GRM5: variants seen among roughly 807,000 people sequenced by gnomAD.
The protein encoded by GRM5 is metabotropic glutamate receptor 5.
GRM5 carries 19 observed loss-of-function variants against 83.1 expected under a neutral mutation model. The ratio of observed to expected loss-of-function variants is 0.23; its 90% confidence interval spans 0.16 to 0.34. The LOEUF is 0.34. Among genes scored for constraint, GRM5 ranks in the 10% least tolerant of loss-of-function variants. The pLI is 1.00. For missense variants in GRM5, 1,160 were observed against 1,588.3 expected, an observed-to-expected ratio of 0.73 and a Z score of 4.58; for synonymous variants, 675 against 633.6, an observed-to-expected ratio of 1.07 and a Z score of -0.98.
chr11:88,983,428 T>A (rs1269397608), intron 2 of GRM5, among the ~76,000 whole-genome samples: 1 of 152,202 alleles, frequency 6.6e-6, no homozygotes, highest in East Asian at 1.9e-4. Context: ...GGTGATCCCA[T>A]AAGATTATAA....
intron 3 of GRM5, among the ~76,000 whole-genome samples, chr11:88,734,537 C>T (rs1591476124): frequency 6.6e-6 from 1 of 152,086 alleles, no homozygotes; most frequent in Admixed American, 6.6e-5. Context: ...CCAATTATTT[C>T]CAATAAATGA....
intron 4 of GRM5, among the ~76,000 whole-genome samples, chr11:88,651,534 A>T (rs962275125): frequency 1.3e-5 from 2 of 152,102 alleles, no homozygotes; most frequent in African/African-American, 4.8e-5. Context: ...TGTCTTCAGA[A>T]ACTAGATAGA....
chr11:89,050,783 A>G (rs1941741508), intron 1 of GRM5, among the ~76,000 whole-genome samples: 1 of 152,214 alleles, frequency 6.6e-6, no homozygotes, highest in African/African-American at 2.4e-5. Flanking sequence ...AGCCATAAAA[A>G]ATGAGATCAT....
At chr11:88,847,593 G>GA (rs201668419) in intron 3 of GRM5, among the ~76,000 whole-genome samples, 15 of 150,362 alleles carry the variant, frequency 1.0e-4, no homozygotes, top group South Asian at 8.4e-4. Context: ...TACTTTTAAA[G>GA]AAAAAAAAAC....
chr11:88,639,713 G>C (rs952310546), intron 4 of GRM5, among the ~76,000 whole-genome samples: 3 of 151,720 alleles, frequency 2.0e-5, no homozygotes, highest in African/African-American at 7.3e-5. Flanking sequence ...TCAGCCTCCC[G>C]AGTAGCTGGG....
chr11:89,018,847 A>G (rs1165745553), intron 2 of GRM5, among the ~76,000 whole-genome samples: 1 of 152,208 alleles, frequency 6.6e-6, no homozygotes, highest in Non-Finnish European at 1.5e-5. Context: ...ACCACTGTAA[A>G]TATTGCACAG....
intron 3 of GRM5, among the ~76,000 whole-genome samples, chr11:88,791,024 T>C (rs768928882): frequency 2.9e-4 from 44 of 151,916 alleles, no homozygotes; most frequent in Non-Finnish European, 2.8e-4. Context: ...TACTAGACAA[T>C]TGGAATGGTA....
At chr11:89,028,651 C>T (rs1414551198) in intron 2 of GRM5, among the ~76,000 whole-genome samples, 1 of 152,130 alleles carries the variant, frequency 6.6e-6, no homozygotes, top group Admixed American at 6.5e-5. Flanking sequence ...AGCCATATAT[C>T]ACATGACGAA....
chr11:88,640,095 T>C (rs1939248494), intron 4 of GRM5, among the ~76,000 whole-genome samples: 1 of 152,174 alleles, frequency 6.6e-6, no homozygotes, highest in South Asian at 2.1e-4. Context: ...GACTCCAACG[T>C]GGACAAACTT....
At chr11:88,947,583 C>T (rs181788650) in intron 2 of GRM5, among the ~76,000 whole-genome samples, 2 of 151,642 alleles carry the variant, frequency 1.3e-5, no homozygotes, top group East Asian at 1.9e-4. Context: ...CTGGTGAACT[C>T]ATTATTCAAA....
chr11:88,554,830 G>A (rs1344007328), intron 8 of GRM5, among the ~76,000 whole-genome samples: 1 of 152,128 alleles, frequency 6.6e-6, no homozygotes, highest in African/African-American at 2.4e-5. Context: ...TTACCAGATG[G>A]GCAGAGTGGA....
intron 2 of GRM5, among the ~76,000 whole-genome samples, chr11:89,019,556 T>G (rs944963346): frequency 6.8e-6 from 1 of 146,582 alleles, no homozygotes; most frequent in African/African-American, 2.6e-5. Context: ...AAAAAAAAAA[T>G]TAGCTGGTCG....
chr11:88,997,796 T>C (rs1940239231), intron 2 of GRM5, among the ~76,000 whole-genome samples: 1 of 152,144 alleles, frequency 6.6e-6, no homozygotes, highest in South Asian at 2.1e-4. Context: ...TAACTATTAA[T>C]AACATTGACT....
intron 9 of GRM5, among the ~76,000 whole-genome samples, chr11:88,524,205 T>C (rs1205359029): frequency 1.9e-5 from 2 of 106,788 alleles, no homozygotes; most frequent in African/African-American, 7.3e-5. Flanking sequence ...TTTCTTTCTT[T>C]CTTTCTTTCT....
chr11:88,697,284 C>A (rs530081865), intron 3 of GRM5, among the ~76,000 whole-genome samples: 1 of 152,138 alleles, frequency 6.6e-6, no homozygotes, highest in Non-Finnish European at 1.5e-5. Context: ...TTTTTCTCTG[C>A]GGCACTTTTT....
intron 9 of GRM5, among the ~76,000 whole-genome samples, chr11:88,511,537 G>T (rs1941369355): frequency 6.6e-6 from 1 of 152,074 alleles, no homozygotes; most frequent in Admixed American, 6.5e-5. Context: ...GTAGTCTCAT[G>T]TCCTTCAGAA....
intron 9 of GRM5, chr11:88,523,086 C>G (rs1231800833): frequency 6.6e-6 from 1 of 152,174 alleles, no homozygotes; most frequent in African/African-American, 2.4e-5. Context: ...ATCTAAAGCT[C>G]TAAGTATTGA....
chr11:88,661,497 A>G (rs887415005), intron 3 of GRM5, among the ~76,000 whole-genome samples: 2 of 152,010 alleles, frequency 1.3e-5, no homozygotes, highest in African/African-American at 4.8e-5. Context: ...CCACATAATT[A>G]TTATGGAAAC....
chr11:88,530,166 T>C (rs1941975031), intron 8 of GRM5, among the ~76,000 whole-genome samples: 1 of 152,054 alleles, frequency 6.6e-6, no homozygotes, highest in Admixed American at 6.6e-5. Flanking sequence ...CAAAAACTTT[T>C]ATAACACTGT....
Sources: allele counts gnomAD v4.1 joint callset (sites outside exome capture counted in the v4.1 genomes callset), GRCh38; gene constraint gnomAD v4.1.1; transcripts MANE v1.5; gene names NCBI Gene and HGNC (gene_info 2026-07-23, HGNC 2026-07-21).